Variants in SNTB2 observed in about 807,000 individuals in gnomAD.
The protein encoded by SNTB2 is beta-2-syntrophin.
In SNTB2, 34 loss-of-function variants were observed where a neutral mutation model predicts 46.2. That is an observed-to-expected ratio of 0.74 (90% confidence interval 0.56 to 0.98). SNTB2 has a LOEUF of 0.98. Among genes scored for constraint, SNTB2 ranks in the 50% least tolerant of loss-of-function variants. The probability of loss-of-function intolerance (pLI) is 0.00; values close to 1 mark genes in which losing one functional copy is unlikely to be tolerated. For synonymous variants in SNTB2, 290 were observed against 312.6 expected (o/e 0.93, Z 0.76); for missense variants, 603 against 731.4 (o/e 0.82, Z 2.02).
At chr16:69,190,979 C>T (rs1225995470) in intron 1 of SNTB2, 1 of 151,944 alleles carries the variant, frequency 6.6e-6, no homozygotes, top group Non-Finnish European at 1.5e-5. Context: ...GACCGGGTCA[C>T]GAAGGTATGC....
intron 4 of SNTB2, among the ~76,000 whole-genome samples, chr16:69,277,988 C>G (rs1451132344): frequency 6.6e-6 from 1 of 152,142 alleles, no homozygotes; most frequent in East Asian, 1.9e-4. Flanking sequence ...TCAAGATCAG[C>G]CTAGGCAACA....
At chr16:69,276,626 A>T (rs1371073853) in intron 4 of SNTB2, among the ~76,000 whole-genome samples, 1 of 152,236 alleles carries the variant, frequency 6.6e-6, no homozygotes, top group Non-Finnish European at 1.5e-5. Context: ...TTTGGGAATC[A>T]GCTCAGTAAA....
chr16:69,232,358 A>G (rs1033803161), intron 1 of SNTB2, among the ~76,000 whole-genome samples: 3 of 151,106 alleles, frequency 2.0e-5, no homozygotes, highest in African/African-American at 7.3e-5. Context: ...GGTGCCTGCC[A>G]CCACGCCCGG....
At chr16:69,284,588 A>G (rs1244785016) in intron 5 of SNTB2, among the ~76,000 whole-genome samples, 1 of 151,896 alleles carries the variant, frequency 6.6e-6, no homozygotes, top group Non-Finnish European at 1.5e-5. Context: ...AGCCTGGGCA[A>G]TACAGTGAAA....
intron 4 of SNTB2, among the ~76,000 whole-genome samples, chr16:69,279,105 G>A (rs1468394886): frequency 6.6e-6 from 1 of 152,110 alleles, no homozygotes; most frequent in African/African-American, 2.4e-5. Flanking sequence ...CACATTGTGT[G>A]TAGCAGATCT....
At chr16:69,212,123 T>G (rs1386405396) in intron 1 of SNTB2, among the ~76,000 whole-genome samples, 1 of 152,200 alleles carries the variant, frequency 6.6e-6, no homozygotes, top group African/African-American at 2.4e-5. Context: ...CCTAGCTACT[T>G]TCATTTGTCT....
intron 5 of SNTB2, among the ~76,000 whole-genome samples, chr16:69,286,037 C>T (rs904665521): frequency 6.6e-6 from 1 of 152,054 alleles, no homozygotes; most frequent in African/African-American, 2.4e-5. Context: ...AGGTGATCCA[C>T]CGACCTCAGG....
intron 1 of SNTB2, among the ~76,000 whole-genome samples, chr16:69,194,078 C>T (rs1241794183): frequency 2.6e-5 from 4 of 152,166 alleles, no homozygotes; most frequent in Admixed American, 2.6e-4. Flanking sequence ...AAATAATCCT[C>T]TTGCATGCTT....
chr16:69,279,771 G>A (rs1426800534), intron 4 of SNTB2, among the ~76,000 whole-genome samples: 6 of 151,030 alleles, frequency 4.0e-5, no homozygotes, highest in East Asian at 1.9e-4. Flanking sequence ...CTTATGATCC[G>A]CCCACCTCAG....
At chr16:69,264,595 G>A (rs1964867651) in intron 3 of SNTB2, among the ~76,000 whole-genome samples, 1 of 152,186 alleles carries the variant, frequency 6.6e-6, no homozygotes, top group South Asian at 2.1e-4. Flanking sequence ...CCCAAAGGCA[G>A]AACTACTTTG....
rs1015430917 is a variant in SNTB2 at position 69,304,948 on chromosome 16, G to A, written c.*4024G>A. 1 of 150,272 alleles carries A rather than the reference G, an allele frequency of 6.7e-6. No homozygotes were observed. Among genetic ancestry groups the A allele is most frequent in the African/African-American group, 2.5e-5 (1 of 40,746 alleles). 9.3% of individuals were successfully genotyped at this position (150,272 alleles called of 1,614,324 possible). On this transcript the variant is annotated 3_prime_UTR_variant, in exon 7 of 7. Transcript: ENST00000336278. Reference sequence around the variant, plus strand: ...CTCCCAAAGTGCTGGGATTACAGATGTGAGCCACTGCACCTGGCCCCAGAA... The same window carrying A: ...CTCCCAAAGTGCTGGGATTACAGATATGAGCCACTGCACCTGGCCCCAGAA...
intron 1 of SNTB2, among the ~76,000 whole-genome samples, chr16:69,197,930 T>G (rs1405973898): frequency 6.6e-6 from 1 of 152,202 alleles, no homozygotes; most frequent in Non-Finnish European, 1.5e-5. Context: ...TAAAAATACA[T>G]ATTTTTTACA....
intron 1 of SNTB2, among the ~76,000 whole-genome samples, chr16:69,245,397 G>A (rs927114567): frequency 1.3e-5 from 2 of 152,010 alleles, no homozygotes; most frequent in South Asian, 2.1e-4. Context: ...GTTTCACTAC[G>A]TTGACCAGGC....
intron 1 of SNTB2, among the ~76,000 whole-genome samples, chr16:69,229,217 G>T (rs1597179997): frequency 6.6e-6 from 1 of 152,080 alleles, no homozygotes; most frequent in East Asian, 1.9e-4. Flanking sequence ...TGTCATTCAG[G>T]CTGGAGTGCA....
At chr16:69,199,852 A>C (rs1964143294) in intron 1 of SNTB2, among the ~76,000 whole-genome samples, 1 of 152,116 alleles carries the variant, frequency 6.6e-6, no homozygotes, top group Non-Finnish European at 1.5e-5. Flanking sequence ...AGTGTGAAAA[A>C]TCAGGAGAAA....
At chr16:69,280,116 A>G (rs1248816431) in intron 4 of SNTB2, among the ~76,000 whole-genome samples, 1 of 152,124 alleles carries the variant, frequency 6.6e-6, no homozygotes, top group Non-Finnish European at 1.5e-5. Flanking sequence ...ATCTTGCACC[A>G]CCCTTAATCC....
At chr16:69,229,342 T>A (rs563558367) in intron 1 of SNTB2, among the ~76,000 whole-genome samples, 29 of 152,068 alleles carry the variant, frequency 1.9e-4, no homozygotes, top group South Asian at 4.2e-4. Context: ...GCTATTTTTT[T>A]AATTTTTTGT....
At chr16:69,289,825 G>A (rs1430135512) in intron 5 of SNTB2, among the ~76,000 whole-genome samples, 1 of 152,102 alleles carries the variant, frequency 6.6e-6, no homozygotes, top group African/African-American at 2.4e-5. Context: ...AGGAGGCTGA[G>A]GTAGGAGGGT....
intron 5 of SNTB2, among the ~76,000 whole-genome samples, chr16:69,299,325 T>C (rs1019644243): frequency 6.6e-6 from 1 of 151,816 alleles, no homozygotes; most frequent in Non-Finnish European, 1.5e-5. Context: ...ATATTTTTAG[T>C]AGAGACGGGG....
Sources: gnomAD v4.1 joint callset for allele counts (sites outside exome capture counted in the v4.1 genomes callset) on GRCh38, gnomAD v4.1.1 for gene constraint, MANE v1.5 for transcripts, NCBI Gene and HGNC (gene_info 2026-07-23, HGNC 2026-07-21) for gene names.